Variants in SHANK2 observed in about 807,000 individuals in gnomAD.
SHANK2 encodes SH3 and multiple ankyrin repeat domains 2.
In SHANK2, 43 loss-of-function variants were observed where a neutral mutation model predicts 133.7. The observed-to-expected ratio is 0.32, with a 90% CI of 0.25 to 0.41. SHANK2 has a LOEUF of 0.41. Among genes scored for constraint, SHANK2 ranks in the 10% least tolerant of loss-of-function variants. The probability of loss-of-function intolerance (pLI) is 1.00; values close to 1 mark genes in which losing one functional copy is unlikely to be tolerated. For synonymous variants in SHANK2, 1,017 were observed against 952.8 expected, an observed-to-expected ratio of 1.07 and a Z score of -1.24; for missense variants, 1,994 against 2,235.8, an observed-to-expected ratio of 0.89 and a Z score of 2.18.
chr11:71,108,925 C>T (rs572520728), intron 6 of SHANK2, among the ~76,000 whole-genome samples: 3 of 150,556 alleles, frequency 2.0e-5, no homozygotes, highest in South Asian at 2.1e-4. Context: ...AGGCTGAATC[C>T]ACACCCAGCG....
intron 8 of SHANK2, among the ~76,000 whole-genome samples, chr11:71,082,467 A>C (rs1459269303): frequency 1.3e-5 from 2 of 152,150 alleles, no homozygotes; most frequent in Non-Finnish European, 2.9e-5. Context: ...ACCACAACCC[A>C]TGTGGCTCCA....
intron 5 of SHANK2, among the ~76,000 whole-genome samples, chr11:71,110,564 C>T (rs557554012): frequency 1.3e-5 from 2 of 152,332 alleles, no homozygotes; most frequent in South Asian, 4.1e-4. Context: ...CCTCTGCACT[C>T]CAGCCTGGGC....
In SHANK2 at chr11:70,902,472, T is replaced by C. The variant is rs539541229; in HGVS notation, c.1108-5905A>G. Among the ~76,000 whole-genome samples the C allele has an allele frequency of 2.1e-4, 32 of 152,326 alleles. No homozygotes were observed. The East Asian group carries it at 4.1e-3, about 19-fold the overall frequency. On this transcript the variant is annotated intron_variant, in intron 10 of 25. Transcript: ENST00000601538. The stretch of plus-strand genomic sequence containing the variant: ...CCACCTGTCTCCCTCAGAGCTGGGA[T>C]TTCTCGCTGTGCCCTTGGGGGCTGC...
intron 11 of SHANK2, chr11:70,826,695 C>A: frequency 2.9e-6 from 1 of 350,350 alleles, no homozygotes; most frequent in Non-Finnish European, 5.7e-6. Flanking sequence ...CAAAGCCCAC[C>A]CCATATTCTG....
chr11:71,067,177 C>A (rs1289517930), intron 9 of SHANK2, among the ~76,000 whole-genome samples: 1 of 152,208 alleles, frequency 6.6e-6, no homozygotes, highest in Non-Finnish European at 1.5e-5. Context: ...GGCCATCACC[C>A]CATGATGGCC....
intron 11 of SHANK2, chr11:70,873,171 TGGCA>T (rs1555070547): frequency 2.1e-6 from 1 of 466,344 alleles, no homozygotes; most frequent in Non-Finnish European, 4.5e-6. Context: ...ACAGCAACCG[TGGCA>T]TCCCAGCACT....
At chr11:71,131,475 T>C (rs1446371244) in intron 3 of SHANK2, among the ~76,000 whole-genome samples, 1 of 152,188 alleles carries the variant, frequency 6.6e-6, no homozygotes, top group Non-Finnish European at 1.5e-5. Flanking sequence ...CAGTGAAAGC[T>C]TCATGGCAGC....
chr11:70,505,217 G>A (rs1293715338), intron 17 of SHANK2, among the ~76,000 whole-genome samples: 8 of 152,178 alleles, frequency 5.3e-5, no homozygotes, highest in East Asian at 1.9e-4. Context: ...GCAGGGGGGC[G>A]CAGAAAAGGC....
intron 14 of SHANK2, among the ~76,000 whole-genome samples, chr11:70,749,908 C>T (rs782550367): frequency 3.3e-5 from 5 of 151,872 alleles, no homozygotes; most frequent in Admixed American, 6.6e-5. Context: ...TCACAGAGAA[C>T]GAGGCAGAAA....
intron 14 of SHANK2, among the ~76,000 whole-genome samples, chr11:70,709,612 C>T (rs1945735490): frequency 6.6e-6 from 1 of 152,226 alleles, no homozygotes; most frequent in African/African-American, 2.4e-5. Context: ...TAGAAAAATT[C>T]TGTAGGATGC....
intron 11 of SHANK2, among the ~76,000 whole-genome samples, chr11:70,868,068 G>A (rs567535307): frequency 1.3e-5 from 2 of 152,236 alleles, no homozygotes; most frequent in Non-Finnish European, 2.9e-5. Context: ...CCAAGGGCCC[G>A]GCGCTGGCAG....
At chr11:70,820,764 C>T (rs1555055767) in intron 11 of SHANK2, 82 bp from the exon 12 acceptor site, 5 of 593,090 alleles carry the variant, frequency 8.4e-6, no homozygotes, top group Non-Finnish European at 1.5e-5. Flanking sequence ...GAGGTGCAGG[C>T]CTGCGTGCGT....
intron 14 of SHANK2, among the ~76,000 whole-genome samples, chr11:70,749,115 C>A (rs1192601505): frequency 1.3e-5 from 2 of 152,202 alleles, no homozygotes; most frequent in Non-Finnish European, 2.9e-5. Flanking sequence ...AGACACACAA[C>A]CATGTGGCAC....
intron 17 of SHANK2, among the ~76,000 whole-genome samples, chr11:70,576,935 T>C (rs78525459): frequency 6.6e-6 from 1 of 152,176 alleles, no homozygotes; most frequent in African/African-American, 2.4e-5. Context: ...TGGTGAGTGC[T>C]GGTGGCTCTC....
At chr11:70,768,452 T>C (rs1275992074) in intron 14 of SHANK2, among the ~76,000 whole-genome samples, 6 of 152,250 alleles carry the variant, frequency 3.9e-5, no homozygotes, top group African/African-American at 1.4e-4. Flanking sequence ...CCGGAGGCAG[T>C]TCAGGGAAGG....
At chr11:71,140,792 G>A (rs1190258371) in intron 3 of SHANK2, among the ~76,000 whole-genome samples, 1 of 150,990 alleles carries the variant, frequency 6.6e-6, no homozygotes, top group African/African-American at 2.4e-5. Context: ...CGAGGGAGAC[G>A]TGCTTCTGAC....
intron 17 of SHANK2, among the ~76,000 whole-genome samples, chr11:70,538,038 C>T (rs781833940): frequency 6.6e-6 from 1 of 152,184 alleles, no homozygotes. Flanking sequence ...AGGGGCGTTA[C>T]CCTTGAACAC....
chr11:71,163,085 A>T (rs1490928298), intron 2 of SHANK2, among the ~76,000 whole-genome samples: 2 of 84,690 alleles, frequency 2.4e-5, no homozygotes, highest in Non-Finnish European at 5.0e-5. Context: ...AAAAAAAAAA[A>T]AAAAAAAAAT....
intron 2 of SHANK2, among the ~76,000 whole-genome samples, chr11:71,180,826 G>C (rs1486894213): frequency 6.6e-6 from 1 of 151,978 alleles, no homozygotes; most frequent in African/African-American, 2.4e-5. Flanking sequence ...TATACCACTG[G>C]AGAGGAAGCA....
Sources: allele counts gnomAD v4.1 joint callset (sites outside exome capture counted in the v4.1 genomes callset), GRCh38; gene constraint gnomAD v4.1.1; transcripts MANE v1.5; gene names NCBI Gene and HGNC (gene_info 2026-07-23, HGNC 2026-07-21).